FOXN2: variants seen among roughly 807,000 people sequenced by gnomAD.
FOXN2 encodes forkhead box N2.
In FOXN2, 19 loss-of-function variants were observed where a neutral mutation model predicts 41.2. The observed-to-expected ratio is 0.46, with a 90% confidence interval of 0.32 to 0.68. The LOEUF is 0.68. Ranked by LOEUF, FOXN2 falls within the 30% of genes least tolerant of loss-of-function variation. FOXN2 has a pLI of 0.03. For missense variants in FOXN2, 587 were observed against 509.4 expected (o/e 1.15, Z -1.47); for synonymous variants, 195 against 176.8 (o/e 1.10, Z -0.82).
At chr2:48,359,754 G>A (rs1241587816) in intron 4 of FOXN2, among the ~76,000 whole-genome samples, 1 of 152,050 alleles carries the variant, frequency 6.6e-6, no homozygotes, top group African/African-American at 2.4e-5. Flanking sequence ...TCAATACTGA[G>A]TATAAGTAAA....
upstream of FOXN2, among the ~76,000 whole-genome samples, chr2:48,313,731 TAA>T (rs1668695985): frequency 6.6e-6 from 1 of 152,226 alleles, no homozygotes; most frequent in Admixed American, 6.5e-5. Context: ...TCCATATCTG[TAA>T]AGTTTCCACT....
Position 48,325,768 on chromosome 2 carries a change from G to T in FOXN2, c.-156-2793G>T, listed in dbSNP as rs115901631. Among the ~76,000 whole-genome samples the T allele has an allele frequency of 4.4e-3, 662 of 151,556 alleles. 6 individuals carry two copies. Among genetic ancestry groups the T allele is most frequent in the African/African-American group, 0.015 (622 of 41,338 alleles). ...CAGGTGTGACAAATGTTATCAAAAG[G>T]TTCGAGTACTATGGGAGAGTAGAAC... is the stretch of plus-strand genomic sequence containing the variant. On this transcript the variant is annotated intron_variant, in intron 1 of 6. Coordinates refer to ENST00000340553, the MANE Select transcript of FOXN2 (RefSeq NM_002158.4).
At chr2:48,373,118 C>A (rs928044648) in intron 5 of FOXN2, among the ~76,000 whole-genome samples, 174 bp from the exon 6 acceptor site, 15 of 152,054 alleles carry the variant, frequency 9.9e-5, no homozygotes, top group African/African-American at 3.4e-4. Flanking sequence ...TTTAAGTGAA[C>A]AAAATCAGAC....
intron 1 of FOXN2, among the ~76,000 whole-genome samples, chr2:48,325,354 A>G (rs184035679): frequency 6.6e-6 from 1 of 152,208 alleles, no homozygotes; most frequent in African/African-American, 2.4e-5. Context: ...CCTGTTACCA[A>G]TAAGCATTCA....
At chr2:48,339,482 TA>T (rs1008631919) in intron 2 of FOXN2, among the ~76,000 whole-genome samples, 17 of 152,330 alleles carry the variant, frequency 1.1e-4, no homozygotes, top group African/African-American at 3.8e-4. Context: ...GCCATGATTG[TA>T]AGTTTCCTGA....
chr2:48,343,369 G>T (rs58660534), intron 2 of FOXN2, among the ~76,000 whole-genome samples: 47,646 of 151,932 alleles, frequency 0.31, 8,129 homozygotes, highest in East Asian at 0.52. Context: ...CAAATAATTT[G>T]TATTATGAGT....
At chr2:48,352,055 G>GCTTCAGTTGTTTGGA (rs147894915) in intron 3 of FOXN2, among the ~76,000 whole-genome samples, 32,427 of 151,654 alleles carry the variant, frequency 0.21, 3,817 homozygotes, top group East Asian at 0.45. Context: ...TCAGTTTTGG[G>GCTTCAGTTGTTTGGA]CTTCAGTTGT....
rs371729920 is a variant in FOXN2 at position 48,373,367 on chromosome 2, A to C, written c.772+7A>C. On this transcript the variant is annotated splice_region_variant and intron_variant, in intron 6 of 6. Transcript: ENST00000340553. ...GAACAAGGAATTTTAGAATGTAAGTAATCATGCCTTTTTTAAAAAAAAATT... is the reference window on the plus strand; with the variant it reads ...GAACAAGGAATTTTAGAATGTAAGTCATCATGCCTTTTTTAAAAAAAAATT... The C allele has an allele frequency of 2.6e-6, 4 of 1,546,266 alleles. No individual in the cohort carries two copies. In the African/African-American group the frequency reaches 4.2e-5, roughly 16 times the overall value.
intron 2 of FOXN2, among the ~76,000 whole-genome samples, 179 bp from the exon 3 acceptor site, chr2:48,346,017 ATAAGT>A (rs776981868): frequency 4.1e-4 from 62 of 152,328 alleles, no homozygotes; most frequent in African/African-American, 1.2e-3. Context: ...TTCAACTAAT[ATAAGT>A]TATTTTCCTT....
intron 1 of FOXN2, among the ~76,000 whole-genome samples, chr2:48,315,041 G>C (rs913673658): frequency 6.6e-6 from 1 of 152,070 alleles, no homozygotes; most frequent in South Asian, 2.1e-4. Flanking sequence ...GGGGGATGTC[G>C]AACTGAGGGG....
chr2:48,363,212 G>GA (rs1672309262), intron 5 of FOXN2, among the ~76,000 whole-genome samples: 1 of 152,018 alleles, frequency 6.6e-6, no homozygotes, highest in Non-Finnish European at 1.5e-5. Context: ...TTGACCCTGT[G>GA]TATGCTCAGG....
At chr2:48,345,493 T>C (rs1362638634) in intron 2 of FOXN2, among the ~76,000 whole-genome samples, 1 of 152,178 alleles carries the variant, frequency 6.6e-6, no homozygotes, top group Admixed American at 6.5e-5. Flanking sequence ...CCATTTAAAA[T>C]GTTCTCACCA....
chr2:48,362,613 A>G lies in FOXN2; in HGVS notation c.639-30A>G, dbSNP rs766966527. The G allele has an allele frequency of 3.8e-6, 6 of 1,591,884 alleles. No homozygotes were observed. In the South Asian group the frequency reaches 5.5e-5, roughly 15 times the overall value. On this transcript the variant is annotated intron_variant, in intron 4 of 6. Transcript: ENST00000340553. ...AAAAAGTGAAGTAAACATTTTTATA[A>G]GCATATTTGCTTTTCTGTTTGTTTT... is the stretch of plus-strand genomic sequence containing the variant.
intron 1 of FOXN2, among the ~76,000 whole-genome samples, 186 bp from the exon 2 acceptor site, chr2:48,328,375 C>T (rs113703366): frequency 1.3e-5 from 2 of 152,188 alleles, no homozygotes; most frequent in African/African-American, 4.8e-5. Flanking sequence ...TATAACCTAC[C>T]CACTTCCTTC....
At chr2:48,354,568 C>G (rs898047815) in intron 3 of FOXN2, among the ~76,000 whole-genome samples, 4 of 152,192 alleles carry the variant, frequency 2.6e-5, no homozygotes, top group African/African-American at 7.2e-5. Flanking sequence ...CCACTGCACT[C>G]CAGCCTGGCA....
At chr2:48,331,289 T>C (rs1670005860) in intron 2 of FOXN2, among the ~76,000 whole-genome samples, 1 of 152,202 alleles carries the variant, frequency 6.6e-6, no homozygotes, top group Admixed American at 6.5e-5. Context: ...GAAATATAAA[T>C]TTTAAAAAAG....
chr2:48,335,920 C>T (rs372311686), intron 2 of FOXN2, among the ~76,000 whole-genome samples: 3 of 151,106 alleles, frequency 2.0e-5, no homozygotes, highest in Non-Finnish European at 2.9e-5. Context: ...CCCAGCTCCT[C>T]GGGAGGCTGA....
intron 1 of FOXN2, among the ~76,000 whole-genome samples, chr2:48,325,874 A>T (rs1362517849): frequency 1.4e-5 from 2 of 143,328 alleles, no homozygotes; most frequent in African/African-American, 2.6e-5. Flanking sequence ...TTTGAGACGA[A>T]GTTTTCCTCA....
chr2:48,326,971 G>T (rs1012740176), intron 1 of FOXN2, among the ~76,000 whole-genome samples: 2 of 152,214 alleles, frequency 1.3e-5, no homozygotes, highest in East Asian at 1.9e-4. Context: ...ACTACCTTTG[G>T]AGTGGTCTGG....
Sources: allele counts gnomAD v4.1 joint callset (sites outside exome capture counted in the v4.1 genomes callset), GRCh38; gene constraint gnomAD v4.1.1; transcripts MANE v1.5; gene names NCBI Gene and HGNC (gene_info 2026-07-23, HGNC 2026-07-21).